Variants in TRDN observed in about 807,000 individuals in gnomAD.
TRDN encodes the protein triadin.
A neutral mutation model predicts 149.7 loss-of-function variants in TRDN; 161 were observed. The observed-to-expected ratio is 1.08, with a 90% CI of 0.95 to 1.23. TRDN has a LOEUF of 1.23. TRDN is among the 50% of genes most tolerant of loss of function. TRDN has a pLI of 0.00. For missense variants in TRDN, 896 were observed against 823.5 expected (o/e 1.09, Z -1.08); for synonymous variants, 294 against 250.5 (o/e 1.17, Z -1.64).
At chr6:123,377,666 T>C in intron 18 of TRDN, 50 bp downstream of exon 18, 2 of 1,609,076 alleles carry the variant, frequency 1.2e-6, no homozygotes, top group Non-Finnish European at 1.7e-6. Flanking sequence ...ACAGCATTAA[T>C]AAACACTGGA....
intron 12 of TRDN, among the ~76,000 whole-genome samples, chr6:123,416,813 C>T (rs1446008937): frequency 2.0e-5 from 3 of 151,654 alleles, no homozygotes; most frequent in Non-Finnish European, 4.4e-5. Flanking sequence ...GCGATTCTCT[C>T]GCCTCAGTTT....
intron 2 of TRDN, among the ~76,000 whole-genome samples, chr6:123,560,538 C>T (rs370697606): frequency 9.1e-4 from 138 of 152,246 alleles, no homozygotes; most frequent in Non-Finnish European, 8.2e-4. Flanking sequence ...CTCAGGACAA[C>T]GCTTATCCTG....
At chr6:123,624,147 G>C (rs1186659238) in intron 1 of TRDN, among the ~76,000 whole-genome samples, 1 of 152,062 alleles carries the variant, frequency 6.6e-6, no homozygotes. Context: ...ATGTTTGTTA[G>C]GTGCATGCTT....
chr6:123,349,812 C>T (rs1188233635), intron 21 of TRDN: 42 of 985,080 alleles, frequency 4.3e-5, no homozygotes, highest in Non-Finnish European at 4.9e-5. Flanking sequence ...CCAGTGCATA[C>T]ACAAAGAAGA....
intron 12 of TRDN, among the ~76,000 whole-genome samples, chr6:123,436,463 A>G (rs939483202): frequency 1.3e-5 from 2 of 152,088 alleles, no homozygotes; most frequent in African/African-American, 2.4e-5. Flanking sequence ...TAATCATGCA[A>G]TTCTTAATAT....
chr6:123,525,037 A>G (rs578174986), intron 5 of TRDN, among the ~76,000 whole-genome samples: 2 of 152,286 alleles, frequency 1.3e-5, no homozygotes, highest in African/African-American at 4.8e-5. Flanking sequence ...AATGGTTACT[A>G]TTAAAAAGTC....
In TRDN at chr6:123,433,251, G is replaced by A. The variant is rs560400256; in HGVS notation, c.1051+4812C>T. 2.2e-4 allele frequency among the ~76,000 whole-genome samples: 33 copies of A among 148,766 alleles called. No individual in the cohort carries two copies. In the South Asian group the frequency reaches 3.0e-3, roughly 14 times the overall value. On this transcript the variant is annotated intron_variant, in intron 12 of 40. Transcript: ENST00000334268. The stretch of plus-strand genomic sequence containing the variant: ...TACATCAGATCTCAATTTAAATGCT[G>A]TCTCTCAGAGAGGCCTGCTCTAATA...
At chr6:123,231,939 G>C (rs1775617741) in intron 38 of TRDN, among the ~76,000 whole-genome samples, 1 of 152,008 alleles carries the variant, frequency 6.6e-6, no homozygotes, top group Non-Finnish European at 1.5e-5. Flanking sequence ...AGAAGGATAA[G>C]GGCAAGAAGA....
At chr6:123,593,877 A>T (rs1190680858) in intron 1 of TRDN, among the ~76,000 whole-genome samples, 1 of 152,172 alleles carries the variant, frequency 6.6e-6, no homozygotes, top group Non-Finnish European at 1.5e-5. Context: ...TAAAAGTTTA[A>T]GTTAAATGTA....
chr6:123,481,718 GACAA>G (rs1429296660), intron 9 of TRDN, among the ~76,000 whole-genome samples: 1 of 152,068 alleles, frequency 6.6e-6, no homozygotes, highest in Admixed American at 6.6e-5. Context: ...GATCATCTCT[GACAA>G]ACAATCTCCA....
At chr6:123,559,586 C>T (rs890876837) in intron 2 of TRDN, among the ~76,000 whole-genome samples, 2 of 152,262 alleles carry the variant, frequency 1.3e-5, no homozygotes, top group East Asian at 1.9e-4. Context: ...CTCATTAAAA[C>T]CTAATCACCC....
intron 12 of TRDN, among the ~76,000 whole-genome samples, chr6:123,394,334 T>C (rs1772634451): frequency 6.6e-6 from 1 of 152,162 alleles, no homozygotes; most frequent in African/African-American, 2.4e-5. Context: ...GATAAACATT[T>C]AAATATACTT....
chr6:123,415,544 TTTC>T (rs1773614516), intron 12 of TRDN, among the ~76,000 whole-genome samples: 1 of 152,212 alleles, frequency 6.6e-6, no homozygotes, highest in Non-Finnish European at 1.5e-5. Flanking sequence ...AACATAGTTC[TTTC>T]TATCCCATAT....
At chr6:123,392,527 C>A (rs2114457546) in intron 13 of TRDN, among the ~76,000 whole-genome samples, 1 of 152,104 alleles carries the variant, frequency 6.6e-6, no homozygotes, top group East Asian at 1.9e-4. Context: ...CCCTGACCTG[C>A]ATTTTCATGT....
chr6:123,523,890 A>T (rs1779810261), intron 5 of TRDN, among the ~76,000 whole-genome samples: 1 of 152,098 alleles, frequency 6.6e-6, no homozygotes, highest in Non-Finnish European at 1.5e-5. Context: ...ACTTAAAGGC[A>T]TCCAGTTACT....
intron 35 of TRDN, among the ~76,000 whole-genome samples, chr6:123,257,594 T>A (rs1340962986): frequency 6.6e-6 from 1 of 152,208 alleles, no homozygotes; most frequent in Non-Finnish European, 1.5e-5. Flanking sequence ...CCAGCTTTGT[T>A]CTGTTTGCTT....
At chr6:123,474,278 G>T (rs1182730967) in intron 9 of TRDN, among the ~76,000 whole-genome samples, 1 of 152,004 alleles carries the variant, frequency 6.6e-6, no homozygotes, top group South Asian at 2.1e-4. Flanking sequence ...ACAAAAAAAG[G>T]CAGGGATTGC....
intron 34 of TRDN, among the ~76,000 whole-genome samples, chr6:123,260,401 T>C (rs1158366419): frequency 6.6e-6 from 1 of 152,012 alleles, no homozygotes; most frequent in Non-Finnish European, 1.5e-5. Context: ...AATGGGTGAC[T>C]TATAAGTTTG....
At chr6:123,221,553 C>G in intron 39 of TRDN, 31 bp from the exon 40 acceptor site, 1 of 1,447,280 alleles carries the variant, frequency 6.9e-7, no homozygotes, top group Non-Finnish European at 9.5e-7. Flanking sequence ...AAGTAAATAA[C>G]TTGTACATTT....
Sources: gnomAD v4.1 joint callset for allele counts (sites outside exome capture counted in the v4.1 genomes callset) on GRCh38, gnomAD v4.1.1 for gene constraint, MANE v1.5 for transcripts, NCBI Gene and HGNC (gene_info 2026-07-23, HGNC 2026-07-21) for gene names.